Variants in ULK2 observed in about 807,000 individuals in gnomAD.
ULK2 encodes unc-51 like autophagy activating kinase 2, also known as serine/threonine-protein kinase ULK2.
Under a neutral mutation model 127.5 loss-of-function variants are expected in ULK2, and 76 were observed. The observed-to-expected ratio is 0.60, with a 90% confidence interval of 0.50 to 0.72. The LOEUF is 0.72. Ranked by LOEUF, ULK2 falls within the 30% of genes least tolerant of loss-of-function variation. The pLI, the probability that ULK2 is intolerant of heterozygous loss-of-function variation, is 0.00. For synonymous variants in ULK2, 452 were observed against 461.9 expected (o/e 0.98, Z 0.28); for missense variants, 1,144 against 1,295.9 (o/e 0.88, Z 1.80).
intron 3 of ULK2, among the ~76,000 whole-genome samples, chr17:19,857,066 G>A (rs1369189685): frequency 6.6e-6 from 1 of 151,664 alleles, no homozygotes; most frequent in African/African-American, 2.4e-5. Flanking sequence ...AACACTTTGG[G>A]AGGCCAAGAC....
At chr17:19,840,488 G>T in intron 9 of ULK2, 1 of 457,738 alleles carries the variant, frequency 2.2e-6, no homozygotes, top group Non-Finnish European at 4.3e-6. Flanking sequence ...AAGGAAAATT[G>T]GATCAAACAT....
Position 19,845,356 on chromosome 17 carries a change from T to C in ULK2, c.491A>G (p.Tyr164Cys). The C allele has an allele frequency of 2.5e-6, 4 of 1,613,958 alleles. No individual in the cohort carries two copies. The highest frequency in any genetic ancestry group is 3.4e-6 in the Non-Finnish European group (4 of 1,179,892). ...TGCAGCCATCATGTTACTATGTAGG[T>C]AACGAGCAAAACCAAAATCCGCTAT... Reference protein sequence around the residue: ...IKIADFGFARYLHSNMMAATL... With the variant: ...IKIADFGFARCLHSNMMAATL... The change falls in exon 7 of 27, where the codon TAC (tyrosine) becomes TGC (cysteine). Residue 164 changes from tyrosine to cysteine, a missense_variant. Physicochemically the swap from Tyr to Cys is radical, Grantham distance 194. This residue lies in a region of ULK2 where 231 missense variants were observed against 325.4 expected (regional missense o/e 0.71). Coordinates refer to ENST00000395544, the MANE Select transcript of ULK2 (RefSeq NM_014683.4).
chr17:19,778,431 G>C (rs918568209), intron 25 of ULK2, among the ~76,000 whole-genome samples: 8 of 152,144 alleles, frequency 5.3e-5, no homozygotes, highest in African/African-American at 1.7e-4. Flanking sequence ...CAGCAGAAGT[G>C]AATCAGGTGA....
intron 13 of ULK2, among the ~76,000 whole-genome samples, chr17:19,813,398 G>T (rs2040891423): frequency 1.3e-5 from 2 of 152,062 alleles, no homozygotes; most frequent in Admixed American, 6.5e-5. Flanking sequence ...CACTAAAAGG[G>T]TAAGAAGAAA....
chr17:19,841,622 T>C (rs1239801584), intron 8 of ULK2, 75 bp from the exon 9 acceptor site: 3 of 1,203,474 alleles, frequency 2.5e-6, no homozygotes, highest in Non-Finnish European at 2.3e-6. Context: ...GACACTCATA[T>C]GCTTTTTTTT....
chr17:19,804,057 T>C (rs571423739), intron 15 of ULK2, among the ~76,000 whole-genome samples: 1 of 152,250 alleles, frequency 6.6e-6, no homozygotes, highest in East Asian at 1.9e-4. Context: ...AGAAATTTAC[T>C]GAACTCTCTC....
At chr17:19,837,012 G>C (rs1417298523) in intron 10 of ULK2, among the ~76,000 whole-genome samples, 1 of 152,044 alleles carries the variant, frequency 6.6e-6, no homozygotes, top group East Asian at 1.9e-4. Context: ...CTTGCACCCA[G>C]GAGTTCAAGG....
chr17:19,865,717 A>T lies in ULK2; in HGVS notation c.183+19T>A. On this transcript the variant is annotated intron_variant, in intron 2 of 26. Coordinates refer to ENST00000395544, the MANE Select transcript of ULK2 (RefSeq NM_014683.4). The stretch of plus-strand genomic sequence containing the variant: ...TAAGTTTTAACCTTATATGAATACT[A>T]CTACATAAAGTAACATACCTTTAAG... 1 of 1,385,892 alleles carries T rather than the reference A, an allele frequency of 7.2e-7. No homozygotes were observed. The highest frequency in any genetic ancestry group is 1.0e-6 in the Non-Finnish European group (1 of 998,004). The allele number at this position is 1,385,892 out of a possible 1,614,324, so 85.8% of individuals were successfully genotyped here.
intron 10 of ULK2, among the ~76,000 whole-genome samples, chr17:19,837,239 G>A (rs1047426244): frequency 2.0e-5 from 3 of 151,930 alleles, no homozygotes; most frequent in Admixed American, 6.6e-5. Context: ...GCAACATGAC[G>A]AAACCCTGTC....
At chr17:19,846,947 C>A (rs1413276942) in intron 5 of ULK2, 37 bp from the exon 6 acceptor site, 2 of 1,563,252 alleles carry the variant, frequency 1.3e-6, no homozygotes. Context: ...TTTAAGCACA[C>A]AAAATCAAAT....
Position 19,783,756 on chromosome 17 carries a change from T to G in ULK2, c.2401A>C (p.Ser801Arg). 6.2e-7 allele frequency: 1 copy of G among 1,600,742 alleles called. No homozygotes were observed. The highest frequency in any genetic ancestry group is 2.3e-5 in the East Asian group (1 of 44,186). The change falls in exon 22 of 27, where the codon AGC becomes CGC. Residue 801 changes from serine to arginine, a missense_variant. Coordinates refer to ENST00000395544, the MANE Select transcript of ULK2 (RefSeq NM_014683.4). ...TCAAAGGTGATGAGCCCCTCTAGGC[T>G]GGGGGGTGAAGCACCGTAAGGCACG... is the stretch of plus-strand genomic sequence containing the variant. Reference protein sequence around the residue: ...RYVPYGASPPSLEGLITFEAP... With the variant: ...RYVPYGASPPRLEGLITFEAP...
Position 19,838,892 on chromosome 17 carries a change from G to A in ULK2, c.705-309C>T, listed in dbSNP as rs1036550426. On this transcript the variant is annotated intron_variant, in intron 9 of 26. Coordinates refer to ENST00000395544, the MANE Select transcript of ULK2 (RefSeq NM_014683.4). Reference sequence around the variant, plus strand: ...AATAGAAAAAAAAAATTAGCTGGGCGTGGTGGCGGGCACCTGTAGTCCCAG... The same window carrying A: ...AATAGAAAAAAAAAATTAGCTGGGCATGGTGGCGGGCACCTGTAGTCCCAG... Among the ~76,000 whole-genome samples, 17 of 151,968 alleles carry A rather than the reference G, an allele frequency of 1.1e-4. No homozygotes were observed. The Middle Eastern group carries it at 0.01, about 92-fold the overall frequency.
intron 12 of ULK2, among the ~76,000 whole-genome samples, chr17:19,822,988 ATT>A (rs35354990): frequency 2.3e-4 from 29 of 127,498 alleles, no homozygotes; most frequent in Admixed American, 4.8e-4. Context: ...ACCCAGCCGG[ATT>A]TTTTTTTTTT....
rs115546455 is a variant in ULK2, at chr17:19,843,599, G to C, written c.544-377C>G. Among the ~76,000 whole-genome samples, 648 of 151,776 alleles carry C rather than the reference G, an allele frequency of 4.3e-3. 4 individuals are homozygous for C. Among genetic ancestry groups the C allele is most frequent in the African/African-American group, 0.015 (621 of 41,440 alleles). ...CCCTCAGGTGTGTGAGAGGAGCAGA[G>C]GAGGAAATGCAATCAGGGAGAGGTA... On this transcript the variant is annotated intron_variant, in intron 7 of 26. Transcript: ENST00000395544.
intron 12 of ULK2, among the ~76,000 whole-genome samples, chr17:19,823,440 T>A (rs955425059): frequency 6.6e-6 from 1 of 152,082 alleles, no homozygotes; most frequent in Non-Finnish European, 1.5e-5. Flanking sequence ...CTGGCCTCTC[T>A]CATCCCTCAG....
At position 19,843,225 on chromosome 17, in the gene ULK2, G is replaced by A. The variant is rs28589488; in HGVS notation, c.544-3C>T. 3.5e-4 allele frequency: 544 copies of A among 1,542,336 alleles called. No individual in the cohort carries two copies. In the African/African-American group the frequency reaches 4.4e-3, roughly 13 times the overall value. Reference sequence around the variant, plus strand: ...TGAGACATAATAACCTCAGGAGCCTGGGAACAGAAAAATTTAAGGGGCATG... The same window carrying A: ...TGAGACATAATAACCTCAGGAGCCTAGGAACAGAAAAATTTAAGGGGCATG... On this transcript the variant is annotated splice_polypyrimidine_tract_variant and splice_region_variant and intron_variant, in intron 7 of 26. Coordinates refer to ENST00000395544, the MANE Select transcript of ULK2 (RefSeq NM_014683.4).
intron 2 of ULK2, 29 bp from the exon 3 acceptor site, chr17:19,864,873 T>C (rs757578286): frequency 5.3e-6 from 6 of 1,124,756 alleles, no homozygotes; most frequent in Non-Finnish European, 6.0e-6. Flanking sequence ...ATGAAAAATA[T>C]GTAAGTATTC....
At chr17:19,825,034 A>G in intron 12 of ULK2, 60 bp downstream of exon 12, 1 of 1,456,506 alleles carries the variant, frequency 6.9e-7, no homozygotes. Flanking sequence ...TGCATGCTCC[A>G]TTTGAGAAAA....
intron 10 of ULK2, among the ~76,000 whole-genome samples, chr17:19,829,553 G>GGGGGT (rs2041382289): frequency 2.1e-5 from 3 of 141,072 alleles, no homozygotes; most frequent in Admixed American, 2.1e-4. Context: ...AAAAAAGGGG[G>GGGGGT]GGGGCTGGGC....
Sources: allele counts gnomAD v4.1 joint callset (sites outside exome capture counted in the v4.1 genomes callset), GRCh38; gene constraint gnomAD v4.1.1; regional missense constraint gnomAD v4.1.1; transcripts MANE v1.5; gene names NCBI Gene and HGNC (gene_info 2026-07-23, HGNC 2026-07-21).